Variants in PEAK1 observed in about 807,000 individuals in gnomAD.
PEAK1 encodes inactive tyrosine-protein kinase PEAK1.
Under a neutral mutation model 124.7 loss-of-function variants are expected in PEAK1, and 54 were observed. That is an observed-to-expected ratio of 0.43 (90% CI 0.35 to 0.54). The LOEUF is 0.54. PEAK1 is among the 20% of genes least tolerant of loss of function. The pLI is 0.01. For missense variants in PEAK1, 2,046 were observed against 2,134.5 expected (o/e 0.96, Z 0.82); for synonymous variants, 719 against 760.0 (o/e 0.95, Z 0.89).
intron 2 of PEAK1, chr15:77,335,782 T>C: frequency 1.0e-6 from 1 of 985,150 alleles, no homozygotes; most frequent in Non-Finnish European, 1.2e-6. Flanking sequence ...TGAGTCACTG[T>C]ACACAGCCCT....
intron 8 of PEAK1, among the ~76,000 whole-genome samples, chr15:77,140,256 A>G (rs902763185): frequency 7.2e-5 from 11 of 152,042 alleles, no homozygotes; most frequent in African/African-American, 2.4e-4. Flanking sequence ...AATGGAGCCA[A>G]TATTACCTAA....
intron 1 of PEAK1, among the ~76,000 whole-genome samples, chr15:77,389,119 A>G (rs772243676): frequency 3.3e-5 from 5 of 151,882 alleles, no homozygotes; most frequent in Non-Finnish European, 7.4e-5. Flanking sequence ...AACTTTGGCT[A>G]ATTTTTAAAT....
chr15:77,386,514 A>AC (rs2072718456), intron 1 of PEAK1, among the ~76,000 whole-genome samples: 3 of 152,094 alleles, frequency 2.0e-5, no homozygotes, highest in African/African-American at 7.2e-5. Flanking sequence ...ATTTTCCAAA[A>AC]CCCCAATCCA....
chr15:77,392,132 C>T (rs192685271), intron 1 of PEAK1, among the ~76,000 whole-genome samples: 21 of 152,214 alleles, frequency 1.4e-4, no homozygotes, highest in African/African-American at 4.6e-4. Flanking sequence ...TTTTTGCACC[C>T]GCAGCATTTA....
chr15:77,303,245 G>C (rs1233392330), intron 2 of PEAK1, among the ~76,000 whole-genome samples: 2 of 152,138 alleles, frequency 1.3e-5, no homozygotes, highest in Admixed American at 6.5e-5. Flanking sequence ...TGTGTGAACA[G>C]AAGTTTTCAA....
intron 9 of PEAK1, among the ~76,000 whole-genome samples, chr15:77,117,267 G>A (rs895326224): frequency 6.6e-6 from 1 of 152,136 alleles, no homozygotes; most frequent in Non-Finnish European, 1.5e-5. Context: ...TGGGAGGCCT[G>A]GGATTTAGCT....
chr15:77,308,805 C>T (rs963796031), intron 2 of PEAK1, among the ~76,000 whole-genome samples: 1 of 151,966 alleles, frequency 6.6e-6, no homozygotes, highest in African/African-American at 2.4e-5. Flanking sequence ...TACCTTTCAA[C>T]AAATGTTACA....
At chr15:77,319,598 A>G (rs1404591921) in intron 2 of PEAK1, among the ~76,000 whole-genome samples, 1 of 152,188 alleles carries the variant, frequency 6.6e-6, no homozygotes, top group Middle Eastern at 3.2e-3. Flanking sequence ...ACTGAGATAA[A>G]AGGTTCTCTG....
intron 6 of PEAK1, among the ~76,000 whole-genome samples, chr15:77,227,045 A>G (rs2059709019): frequency 6.6e-6 from 1 of 152,186 alleles, no homozygotes; most frequent in Non-Finnish European, 1.5e-5. Context: ...TCTTTATTAA[A>G]ATACAGATGC....
Position 77,217,377 on chromosome 15 carries a change from G to A in PEAK1, c.-115+34990C>T, listed in dbSNP as rs192119902. Among the ~76,000 whole-genome samples, 4 of 152,204 alleles carry A rather than the reference G, an allele frequency of 2.6e-5. No homozygotes were observed. In the East Asian group the frequency reaches 7.7e-4, roughly 29 times the overall value. ...ACAACAGTTTTTTGGGATGCTCAAG[G>A]CATTTTGCTTGTTGACTTTCTGGAG... On this transcript the variant is annotated intron_variant, in intron 6 of 9. Coordinates refer to ENST00000682557, the MANE Select transcript of PEAK1 (RefSeq NM_001385026.1).
intron 2 of PEAK1, among the ~76,000 whole-genome samples, chr15:77,322,896 C>G (rs903526715): frequency 6.6e-6 from 1 of 152,208 alleles, no homozygotes; most frequent in African/African-American, 2.4e-5. Flanking sequence ...AAAATACTAG[C>G]AAACCGAATC....
chr15:77,370,769 T>C (rs1472683362), intron 1 of PEAK1: 2 of 981,776 alleles, frequency 2.0e-6, no homozygotes, highest in African/African-American at 1.8e-5. Flanking sequence ...CGGTGACTCA[T>C]GCCTGTAATC....
At chr15:77,301,646 C>T (rs967992933) in intron 2 of PEAK1, among the ~76,000 whole-genome samples, 4 of 152,152 alleles carry the variant, frequency 2.6e-5, no homozygotes, top group East Asian at 1.9e-4. Context: ...CAAGGATACA[C>T]GACATCTCTG....
chr15:77,105,357 T>TGCGCGCGC (rs747059791), downstream of PEAK1: 1 of 85,348 alleles, frequency 1.2e-5, no homozygotes, highest in African/African-American at 4.1e-5. Flanking sequence ...TGTGTGTGTG[T>TGCGCGCGC]GCGCGCGTGC....
chr15:77,130,329 T>C (rs1228124496), intron 9 of PEAK1, among the ~76,000 whole-genome samples: 1 of 152,262 alleles, frequency 6.6e-6, no homozygotes, highest in Non-Finnish European at 1.5e-5. Flanking sequence ...TCTTAAGTGC[T>C]ATATAGAATC....
intron 2 of PEAK1, chr15:77,350,671 G>C (rs1227314417): frequency 1.0e-6 from 1 of 983,304 alleles, no homozygotes; most frequent in East Asian, 1.1e-4. Flanking sequence ...TCCCCCTACA[G>C]CTCAGTTCCC....
downstream of PEAK1, chr15:77,107,540 T>A (rs2050768450): frequency 6.6e-6 from 1 of 152,384 alleles, no homozygotes; most frequent in Admixed American, 6.5e-5. Flanking sequence ...ATTTAGGATC[T>A]ACATGTTTGC....
chr15:77,103,725 C>T (rs572478943), downstream of PEAK1: 1 of 152,342 alleles, frequency 6.6e-6, no homozygotes, highest in South Asian at 2.1e-4. Flanking sequence ...ACTTAGTTGC[C>T]TTTGTGGTTC....
intron 6 of PEAK1, among the ~76,000 whole-genome samples, chr15:77,190,117 T>C (rs867862123): frequency 5.9e-5 from 9 of 152,326 alleles, no homozygotes; most frequent in Middle Eastern, 6.8e-3. Flanking sequence ...TTACTTTATG[T>C]TTGGCAGGAG....
Sources: gnomAD v4.1 joint callset for allele counts (sites outside exome capture counted in the v4.1 genomes callset) on GRCh38, gnomAD v4.1.1 for gene constraint, MANE v1.5 for transcripts, NCBI Gene and HGNC (gene_info 2026-07-23, HGNC 2026-07-21) for gene names.